The following MAD1L1 variants were observed in gnomAD, a reference collection of about 807,000 sequenced individuals.
The protein encoded by MAD1L1 is mitotic arrest deficient 1 like 1, also known as mitotic spindle assembly checkpoint protein MAD1.
In MAD1L1, 95 loss-of-function variants were observed where a neutral mutation model predicts 96.9. The observed-to-expected ratio is 0.98, with a 90% confidence interval of 0.83 to 1.16. The LOEUF is 1.16. Ranked by LOEUF, MAD1L1 falls within the 50% of genes most tolerant of loss-of-function variation. MAD1L1 has a pLI of 0.00. For missense variants in MAD1L1, 1,007 were observed against 954.4 expected, an observed-to-expected ratio of 1.06 and a Z score of -0.73; for synonymous variants, 473 against 396.6, an observed-to-expected ratio of 1.19 and a Z score of -2.29.
chr7:2,027,895 G>A (rs1412557681), intron 12 of MAD1L1, among the ~76,000 whole-genome samples: 1 of 152,190 alleles, frequency 6.6e-6, no homozygotes, highest in African/African-American at 2.4e-5. Context: ...CGAAGATCAA[G>A]AAGACAATGA....
At chr7:1,840,901 G>A (rs1337211479) in intron 18 of MAD1L1, among the ~76,000 whole-genome samples, 5 of 152,356 alleles carry the variant, frequency 3.3e-5, no homozygotes, top group African/African-American at 2.4e-5. Context: ...TGAGTGGACC[G>A]TGCAGACGGC....
intron 11 of MAD1L1, among the ~76,000 whole-genome samples, chr7:2,086,070 C>A (rs928439119): frequency 6.6e-6 from 1 of 152,218 alleles, no homozygotes; most frequent in Admixed American, 6.5e-5. Flanking sequence ...GAGGACTCCA[C>A]GCTGCGGGGG....
chr7:1,872,420 C>G (rs1355957046), intron 18 of MAD1L1, among the ~76,000 whole-genome samples: 1 of 152,176 alleles, frequency 6.6e-6, no homozygotes. Flanking sequence ...CTCTGCGCTG[C>G]GGCTTCCCCG....
At chr7:1,832,153 T>A (rs991235265) in intron 18 of MAD1L1, among the ~76,000 whole-genome samples, 1 of 152,028 alleles carries the variant, frequency 6.6e-6, no homozygotes, top group African/African-American at 2.4e-5. Flanking sequence ...CATCAGTGAT[T>A]TATGAGAGGA....
chr7:2,055,536 T>C (rs1448968680), intron 12 of MAD1L1, among the ~76,000 whole-genome samples: 7 of 151,920 alleles, frequency 4.6e-5, no homozygotes, highest in Non-Finnish European at 1.0e-4. Context: ...ATGGGCACGG[T>C]GGTGGCACCT....
chr7:2,048,475 T>C (rs1257353246), intron 12 of MAD1L1, among the ~76,000 whole-genome samples: 3 of 152,264 alleles, frequency 2.0e-5, no homozygotes, highest in Non-Finnish European at 4.4e-5. Flanking sequence ...CAGTGACCGC[T>C]ATACATCGAA....
chr7:2,224,583 G>C (rs180864254), intron 4 of MAD1L1, among the ~76,000 whole-genome samples: 209 of 152,290 alleles, frequency 1.4e-3, no homozygotes, highest in African/African-American at 4.8e-3. Flanking sequence ...GCCCAGGAGA[G>C]TGTGTGAATA....
At chr7:2,032,378 C>T (rs775581362) in intron 12 of MAD1L1, among the ~76,000 whole-genome samples, 3 of 152,208 alleles carry the variant, frequency 2.0e-5, no homozygotes, top group Admixed American at 6.5e-5. Flanking sequence ...ATCATGCTAA[C>T]GGGCAGGTGG....
intron 10 of MAD1L1, among the ~76,000 whole-genome samples, chr7:2,164,856 A>G (rs1790348272): frequency 6.6e-6 from 1 of 152,114 alleles, no homozygotes; most frequent in Non-Finnish European, 1.5e-5. Flanking sequence ...CGACCATGAC[A>G]AGAGTGGGCA....
chr7:2,057,142 G>T (rs1315149307), intron 12 of MAD1L1, among the ~76,000 whole-genome samples: 1 of 152,224 alleles, frequency 6.6e-6, no homozygotes, highest in Admixed American at 6.5e-5. Flanking sequence ...CACCTAGAGA[G>T]GGGCCCTTGA....
At chr7:1,863,598 G>A (rs1309826745) in intron 18 of MAD1L1, among the ~76,000 whole-genome samples, 1 of 152,216 alleles carries the variant, frequency 6.6e-6, no homozygotes, top group East Asian at 1.9e-4. Flanking sequence ...AGGAGACTTG[G>A]GCTTGCAGAG....
At position 1,914,172 on chromosome 7, in the gene MAD1L1, G is replaced by A. The variant is rs562312479; in HGVS notation, c.1808-15782C>T. Among the ~76,000 whole-genome samples, 17 of 152,364 alleles carry A rather than the reference G, an allele frequency of 1.1e-4. No individual in the cohort carries two copies. The East Asian group carries it at 3.3e-3, about 29-fold the overall frequency. ...CAGCCCCCTCCCCTGGCCAGTGCTG[G>A]CCTGGAGGCCTCAGGACCTGGGAGT... On this transcript the variant is annotated intron_variant, in intron 17 of 18. Coordinates refer to ENST00000265854, the MANE Select transcript of MAD1L1 (RefSeq NM_001013836.2).
chr7:2,006,275 G>A (rs1045317791), intron 13 of MAD1L1, among the ~76,000 whole-genome samples: 1 of 152,030 alleles, frequency 6.6e-6, no homozygotes, highest in Non-Finnish European at 1.5e-5. Context: ...AAGTTTCCAA[G>A]TAACAAAAAA....
intron 17 of MAD1L1, among the ~76,000 whole-genome samples, chr7:1,924,733 T>G (rs1220867266): frequency 6.6e-6 from 1 of 152,086 alleles, no homozygotes; most frequent in Non-Finnish European, 1.5e-5. Flanking sequence ...AAAATAGGCA[T>G]GACAGTTAAG....
At chr7:2,085,609 C>A (rs1196096511) in intron 11 of MAD1L1, among the ~76,000 whole-genome samples, 2 of 152,266 alleles carry the variant, frequency 1.3e-5, no homozygotes, top group Middle Eastern at 3.4e-3. Context: ...GTTGAATTGA[C>A]TTGGCATCAT....
chr7:2,117,333 C>T (rs1196433110), intron 11 of MAD1L1, among the ~76,000 whole-genome samples: 3 of 152,176 alleles, frequency 2.0e-5, no homozygotes, highest in Admixed American at 6.5e-5. Context: ...CTGGTGCGGA[C>T]GGCACAGAGG....
intron 15 of MAD1L1, among the ~76,000 whole-genome samples, chr7:1,964,673 G>C (rs1583933722): frequency 6.6e-6 from 1 of 152,212 alleles, no homozygotes. Flanking sequence ...TGCCAGCCTA[G>C]ATCTTTCCTC....
intron 16 of MAD1L1, among the ~76,000 whole-genome samples, chr7:1,948,506 G>T (rs1368279500): frequency 2.0e-5 from 3 of 152,190 alleles, no homozygotes; most frequent in African/African-American, 7.2e-5. Flanking sequence ...CGGCGCTGAG[G>T]CCACCGCACA....
chr7:1,962,122 A>G (rs1490675933), intron 15 of MAD1L1, among the ~76,000 whole-genome samples: 1 of 151,868 alleles, frequency 6.6e-6, no homozygotes, highest in Non-Finnish European at 1.5e-5. Context: ...CCCCCATACC[A>G]TTCTCATCTA....
Sources: allele counts gnomAD v4.1 joint callset (sites outside exome capture counted in the v4.1 genomes callset), GRCh38; gene constraint gnomAD v4.1.1; transcripts MANE v1.5; gene names NCBI Gene and HGNC (gene_info 2026-07-23, HGNC 2026-07-21).